The following MID1 variants were observed in gnomAD, a reference collection of about 807,000 sequenced individuals.
The protein encoded by MID1 is midline 1.
Under a neutral mutation model 40.4 loss-of-function variants are expected in MID1, and 7 were observed. The observed-to-expected ratio is 0.17, with a 90% CI of 0.10 to 0.33. The LOEUF is 0.33. Among genes scored for constraint, MID1 ranks in the 10% least tolerant of loss-of-function variants. MID1 has a pLI of 1.00. For synonymous variants in MID1, 229 were observed against 221.2 expected (o/e 1.04, Z -0.31); for missense variants, 367 against 558.5 (o/e 0.66, Z 3.46).
intron 1 of MID1, among the ~76,000 whole-genome samples, chrX:10,642,819 T>C (rs1195269521): frequency 1.8e-5 from 2 of 110,141 alleles, no homozygotes; most frequent in Admixed American, 9.6e-5. Context: ...AACAGAGATA[T>C]AGACCAATGG....
chrX:10,758,544 G>A (rs1242502283), intron 1 of MID1, among the ~76,000 whole-genome samples: 2 of 91,336 alleles, frequency 2.2e-5, no homozygotes, highest in Non-Finnish European at 4.1e-5. Flanking sequence ...AGGCTGGAGT[G>A]CAGTGGCGTG....
rs1036025416 is a variant in MID1 at position 10,459,936 on chromosome X, T to C, written c.1286-129A>G. ...GTGAAGTGCTTTGTCTTGGTAGTCA[T>C]GTACGAAAAACTGACTTCACTAACG... On this transcript the variant is annotated intron_variant, in intron 7 of 9. Coordinates refer to ENST00000317552, the MANE Select transcript of MID1 (RefSeq NM_000381.4). 3 of 764,357 alleles carry C rather than the reference T, an allele frequency of 3.9e-6. No individual in the cohort carries two copies. The Admixed American group carries it at 7.3e-5, about 19-fold the overall frequency. The allele number at this position is 764,357 out of a possible 1,213,427, so 63.0% of individuals were successfully genotyped here. A position where few individuals can be genotyped will look rare whatever the true frequency, so the allele number is the denominator to read the frequency against.
intron 1 of MID1, chrX:10,589,937 A>C (rs1239207750): frequency 9.2e-6 from 1 of 108,173 alleles, no homozygotes; most frequent in Non-Finnish European, 1.9e-5. Context: ...CATCAGCAAG[A>C]CTCCTGTCTC....
intron 1 of MID1, among the ~76,000 whole-genome samples, chrX:10,705,466 A>C (rs2043224126): frequency 8.9e-6 from 1 of 112,318 alleles, no homozygotes; most frequent in Non-Finnish European, 1.9e-5. Context: ...TTTTGTTTCA[A>C]AAGTTCTACT....
chrX:10,657,698 T>A (rs144395289), intron 1 of MID1, among the ~76,000 whole-genome samples: 8,319 of 112,191 alleles, frequency 0.074, 439 homozygotes, highest in African/African-American at 0.19. Flanking sequence ...TATTTAAACA[T>A]TATTTTACAG....
At chrX:10,501,509 AG>A in intron 3 of MID1, 1 of 1,151,960 alleles carries the variant, frequency 8.7e-7, no homozygotes, top group Non-Finnish European at 1.1e-6. Context: ...TCCTATTCCT[AG>A]GGTAATACTG....
intron 1 of MID1, among the ~76,000 whole-genome samples, chrX:10,599,714 C>T (rs113663244): frequency 2.1e-4 from 24 of 112,354 alleles, no homozygotes; most frequent in African/African-American, 6.5e-4. Flanking sequence ...GAAACCAGCA[C>T]GCACAAACAC....
At chrX:10,609,715 C>CTTTTT (rs138559299) in intron 1 of MID1, among the ~76,000 whole-genome samples, 110 of 86,353 alleles carry the variant, frequency 1.3e-3, no homozygotes, top group African/African-American at 1.5e-3. Flanking sequence ...TTCTTTCTTT[C>CTTTTT]TTTTTTTTTT....
In MID1 at chrX:10,465,260, C is replaced by CACACACAT. The variant is rs1292370523; in HGVS notation, c.1285+4436_1285+4437insATGTGTGT. On this transcript the variant is annotated intron_variant, in intron 7 of 9. Transcript: ENST00000317552. ...ACACACACACACACACACACACACA[C>CACACACAT]ATACATATATGAAAGAATAAAAGAA... Among the ~76,000 whole-genome samples, 161 of 92,387 alleles carry CACACACAT rather than the reference C, an allele frequency of 1.7e-3. 2 individuals carry two copies. Among genetic ancestry groups the CACACACAT allele is most frequent in the African/African-American group, 6.2e-3 (152 of 24,442 alleles). 80.2% of individuals were successfully genotyped at this position (92,387 alleles called of 115,157 possible). A position where few individuals can be genotyped will look rare whatever the true frequency, so the allele number is the denominator to read the frequency against.
chrX:10,790,458 C>T (rs2043922097), intron 1 of MID1, among the ~76,000 whole-genome samples: 1 of 110,661 alleles, frequency 9.0e-6, no homozygotes. Flanking sequence ...TGCTGCTTGG[C>T]TCTAGGTTGG....
intron 1 of MID1, among the ~76,000 whole-genome samples, chrX:10,628,101 A>G (rs1408135486): frequency 9.0e-6 from 1 of 110,950 alleles, no homozygotes; most frequent in Non-Finnish European, 1.9e-5. Context: ...AACATTTTTA[A>G]TGGCCAAGGA....
At chrX:10,574,200 G>A (rs930325938) in intron 1 of MID1, among the ~76,000 whole-genome samples, 1 of 111,771 alleles carries the variant, frequency 8.9e-6, no homozygotes, top group African/African-American at 3.3e-5. Flanking sequence ...GAATCACAAG[G>A]CTCTTTAAAC....
intron 2 of MID1, among the ~76,000 whole-genome samples, chrX:10,529,502 GCTA>G (rs1250607688): frequency 8.9e-6 from 1 of 112,159 alleles, no homozygotes; most frequent in African/African-American, 3.2e-5. Context: ...GAATGCTAAT[GCTA>G]CTATTTGTTG....
At chrX:10,715,893 C>T (rs1161269024) in intron 1 of MID1, among the ~76,000 whole-genome samples, 1 of 111,522 alleles carries the variant, frequency 9.0e-6, no homozygotes, top group Non-Finnish European at 1.9e-5. Context: ...TCACCAATAT[C>T]CACTGTTCTG....
At chrX:10,613,696 AATATATATATATATATATAT>A (rs1177605401) in intron 1 of MID1, among the ~76,000 whole-genome samples, 6 of 16,853 alleles carry the variant, frequency 3.6e-4, no homozygotes, top group South Asian at 4.9e-3. Context: ...AACTGAAAGG[AATATATATATATATATATAT>A]ATATATATAT....
chrX:10,512,441 G>A (rs1344129524), intron 3 of MID1, among the ~76,000 whole-genome samples: 1 of 112,738 alleles, frequency 8.9e-6, no homozygotes, highest in East Asian at 2.8e-4. Context: ...CTGGCTTCAG[G>A]CCACGTATCT....
At chrX:10,656,454 C>G (rs762788745) in intron 1 of MID1, among the ~76,000 whole-genome samples, 1 of 111,752 alleles carries the variant, frequency 8.9e-6, no homozygotes, top group South Asian at 3.8e-4. Flanking sequence ...AACAGCTTGA[C>G]AATGTGACTC....
intron 1 of MID1, among the ~76,000 whole-genome samples, chrX:10,763,612 G>A (rs1321832159): frequency 1.8e-5 from 2 of 111,526 alleles, no homozygotes; most frequent in Non-Finnish European, 3.8e-5. Context: ...TGTGAATAGT[G>A]CCGCAATAAA....
At chrX:10,513,847 C>T (rs1301097384) in intron 3 of MID1, among the ~76,000 whole-genome samples, 1 of 112,072 alleles carries the variant, frequency 8.9e-6, no homozygotes, top group Non-Finnish European at 1.9e-5. Context: ...CTACCTGTTC[C>T]TATTATTCTT....
Sources: allele counts gnomAD v4.1 joint callset (sites outside exome capture counted in the v4.1 genomes callset), GRCh38; gene constraint gnomAD v4.1.1; transcripts MANE v1.5; gene names NCBI Gene and HGNC (gene_info 2026-07-23, HGNC 2026-07-21).